The following C8orf88 variants were observed in gnomAD, a reference collection of about 807,000 sequenced individuals.
The protein encoded by C8orf88 is chromosome 8 open reading frame 88.
C8orf88 carries 14 observed loss-of-function variants against 18.4 expected under a neutral mutation model. That is an observed-to-expected ratio of 0.76 (90% CI 0.50 to 1.19). C8orf88 has a LOEUF of 1.19. Among genes scored for constraint, C8orf88 ranks in the 50% most tolerant of loss-of-function variants. The pLI, the probability that C8orf88 is intolerant of heterozygous loss-of-function variation, is 0.00. For synonymous variants in C8orf88, 45 were observed against 42.9 expected, an observed-to-expected ratio of 1.05 and a Z score of -0.19; for missense variants, 116 against 134.7, an observed-to-expected ratio of 0.86 and a Z score of 0.69.
intron 4 of C8orf88, among the ~76,000 whole-genome samples, chr8:90,969,858 A>G (rs1811259135): frequency 6.6e-6 from 1 of 151,896 alleles, no homozygotes; most frequent in Non-Finnish European, 1.5e-5. Flanking sequence ...AGATAATAAC[A>G]AAAGTCCACT....
intron 3 of C8orf88, among the ~76,000 whole-genome samples, chr8:90,976,166 T>C (rs1305088337): frequency 6.6e-6 from 1 of 151,988 alleles, no homozygotes; most frequent in African/African-American, 2.4e-5. Flanking sequence ...TGCAAGGGGA[T>C]ATAAGGACAT....
intron 3 of C8orf88, among the ~76,000 whole-genome samples, chr8:90,972,438 G>A (rs1811296596): frequency 6.6e-6 from 1 of 151,270 alleles, no homozygotes; most frequent in African/African-American, 2.4e-5. Flanking sequence ...ACAATTTCTT[G>A]CCTCCGGAAA....
chr8:90,978,948 G>A (rs1811392384), intron 2 of C8orf88, among the ~76,000 whole-genome samples: 1 of 152,152 alleles, frequency 6.6e-6, no homozygotes. Context: ...GAGAGATTTA[G>A]AGAAAGTACT....
chr8:90,975,849 C>G (rs1460036286), intron 3 of C8orf88, among the ~76,000 whole-genome samples: 3 of 150,846 alleles, frequency 2.0e-5, no homozygotes, highest in African/African-American at 7.3e-5. Context: ...TTTATAATAT[C>G]TAAAAACTAG....
At chr8:90,970,687 C>CA (rs1811269831) in intron 4 of C8orf88, among the ~76,000 whole-genome samples, 1 of 151,978 alleles carries the variant, frequency 6.6e-6, no homozygotes, top group South Asian at 2.1e-4. Flanking sequence ...CTAATGGCTA[C>CA]ACAGGAACAT....
chr8:90,984,320 A>G (rs983273403), intron 1 of C8orf88, among the ~76,000 whole-genome samples: 2 of 152,236 alleles, frequency 1.3e-5, no homozygotes, highest in Non-Finnish European at 2.9e-5. Flanking sequence ...CAAAGTTAGG[A>G]TTCCTTGAAA....
chr8:90,982,104 C>T (rs115782207), intron 1 of C8orf88, among the ~76,000 whole-genome samples: 52 of 152,058 alleles, frequency 3.4e-4, no homozygotes, highest in African/African-American at 1.1e-3. Context: ...TTGGAGATAA[C>T]CCAGCAAGTA....
chr8:90,980,791 C>G (rs1054131329), intron 1 of C8orf88, among the ~76,000 whole-genome samples: 6 of 152,146 alleles, frequency 3.9e-5, no homozygotes, highest in African/African-American at 1.4e-4. Flanking sequence ...CTCCTGGGCT[C>G]AAGAGATCCT....
At chr8:90,975,736 T>C (rs1811338643) in intron 3 of C8orf88, among the ~76,000 whole-genome samples, 1 of 152,064 alleles carries the variant, frequency 6.6e-6, no homozygotes, top group East Asian at 1.9e-4. Flanking sequence ...TATGATATCT[T>C]ATAACGCTAA....
intron 3 of C8orf88, among the ~76,000 whole-genome samples, chr8:90,976,703 A>C (rs1185698333): frequency 6.6e-6 from 1 of 152,084 alleles, no homozygotes; most frequent in Non-Finnish European, 1.5e-5. Flanking sequence ...TTCCACTATA[A>C]ATCAGTGTGG....
chr8:90,983,172 TGGGTA>T (rs1811457308), intron 1 of C8orf88, among the ~76,000 whole-genome samples: 1 of 152,230 alleles, frequency 6.6e-6, no homozygotes, highest in African/African-American at 2.4e-5. Context: ...CCTACAACAT[TGGGTA>T]GCAAGTAGTG....
In C8orf88 at chr8:90,971,082, C is replaced by G. The variant is rs1317357697; in HGVS notation, c.207G>C (p.Gln69His). 4 of 1,516,874 alleles carry G rather than the reference C, an allele frequency of 2.6e-6. No homozygotes were observed. The highest frequency in any genetic ancestry group is 3.5e-6 in the Non-Finnish European group (4 of 1,135,948). The allele number at this position is 1,516,874 out of a possible 1,614,324, so 94.0% of individuals were successfully genotyped here. A position where few individuals can be genotyped will look rare whatever the true frequency, so the allele number is the denominator to read the frequency against. The change falls in exon 4 of 6, where the codon CAG (glutamine) becomes CAC (histidine). Residue 69 changes from glutamine to histidine, a missense_variant. Coordinates refer to ENST00000517562, the MANE Select transcript of C8orf88 (RefSeq NM_001190972.2). The stretch of plus-strand genomic sequence containing the variant: ...AAATTTTACCTTTCTTAACTGGAGA[C>G]TGCTGTTGCTGTTGCTCATTAAGAC... ...SQGLNEQQQQ[Q>H]SPVKKERIKY... is the part of the protein sequence containing the mutation.
chr8:90,981,544 A>C (rs1811435574), intron 1 of C8orf88, among the ~76,000 whole-genome samples: 1 of 152,206 alleles, frequency 6.6e-6, no homozygotes, highest in South Asian at 2.1e-4. Flanking sequence ...ATAAAATAAT[A>C]ATAACAATAA....
chr8:90,968,046 C>T (rs1811228316), intron 4 of C8orf88, among the ~76,000 whole-genome samples: 2 of 151,816 alleles, frequency 1.3e-5, no homozygotes, highest in South Asian at 4.2e-4. Flanking sequence ...TTCTAATGGC[C>T]TCTTTTGCAG....
intron 5 of C8orf88, 155 bp from the exon 6 acceptor site, chr8:90,959,185 A>G (rs901745917): frequency 9.7e-6 from 4 of 412,104 alleles, no homozygotes; most frequent in African/African-American, 6.3e-5. Context: ...CTGTCAAATA[A>G]CAAAACGGCT....
chr8:90,961,975 T>G (rs1359252335), intron 4 of C8orf88, among the ~76,000 whole-genome samples: 1 of 151,502 alleles, frequency 6.6e-6, no homozygotes, highest in Non-Finnish European at 1.5e-5. Flanking sequence ...GGCATATAAG[T>G]TGAAAGTAAA....
chr8:90,972,083 A>T (rs1387922911), intron 3 of C8orf88, among the ~76,000 whole-genome samples: 1 of 152,050 alleles, frequency 6.6e-6, no homozygotes, highest in Admixed American at 6.6e-5. Context: ...CTTTGGAGAC[A>T]TCTATCCTTA....
intron 4 of C8orf88, among the ~76,000 whole-genome samples, chr8:90,965,143 G>A (rs1254433835): frequency 1.3e-5 from 2 of 151,404 alleles, no homozygotes; most frequent in Non-Finnish European, 3.0e-5. Context: ...GACTCATTTT[G>A]GATCCAATGA....
intron 5 of C8orf88, 107 bp downstream of exon 5, chr8:90,960,628 ACTTATAT>A (rs949490914): frequency 3.6e-5 from 20 of 553,866 alleles, no homozygotes; most frequent in Non-Finnish European, 5.5e-5. Context: ...TTTCTGAATT[ACTTATAT>A]CTTATAATAA....
Sources: allele counts gnomAD v4.1 joint callset (sites outside exome capture counted in the v4.1 genomes callset), GRCh38; gene constraint gnomAD v4.1.1; transcripts MANE v1.5; gene names NCBI Gene and HGNC (gene_info 2026-07-23, HGNC 2026-07-21).